The following SUGCT variants were observed in gnomAD, a reference collection of about 807,000 sequenced individuals.
SUGCT encodes succinyl-CoA:glutarate-CoA transferase.
Under a neutral mutation model 55.0 loss-of-function variants are expected in SUGCT, and 41 were observed. That is an observed-to-expected ratio of 0.74 (90% CI 0.58 to 0.97). The LOEUF (loss-of-function observed/expected upper bound fraction) is 0.97, where lower values mean the gene tolerates loss of function less well. Ranked by LOEUF, SUGCT falls within the 50% of genes least tolerant of loss-of-function variation. The probability of loss-of-function intolerance (pLI) is 0.00; values close to 1 mark genes in which losing one functional copy is unlikely to be tolerated. For missense variants in SUGCT, 568 were observed against 547.8 expected, an observed-to-expected ratio of 1.04 and a Z score of -0.37; for synonymous variants, 187 against 200.4, an observed-to-expected ratio of 0.93 and a Z score of 0.56.
the SUGCT span, among the ~76,000 whole-genome samples, chr7:41,012,147 G>C: frequency 6.6e-6 from 1 of 152,202 alleles, no homozygotes; most frequent in East Asian, 1.9e-4. Context: ...CCCGGAACCA[G>C]CCTTTTCCCA....
At chr7:40,903,349 A>G in the SUGCT span, among the ~76,000 whole-genome samples, 2 of 152,150 alleles carry the variant, frequency 1.3e-5, no homozygotes, top group African/African-American at 4.8e-5. Flanking sequence ...CAGCGCCTAG[A>G]CAGAGAATTA....
At chr7:40,329,689 G>T (rs1796207692) in intron 9 of SUGCT, among the ~76,000 whole-genome samples, 1 of 152,118 alleles carries the variant, frequency 6.6e-6, no homozygotes, top group Non-Finnish European at 1.5e-5. Flanking sequence ...TTAACAAGAT[G>T]TGTGCACAGG....
intron 9 of SUGCT, among the ~76,000 whole-genome samples, chr7:40,391,695 A>T (rs1250361388): frequency 1.3e-5 from 2 of 152,200 alleles, no homozygotes; most frequent in African/African-American, 4.8e-5. Flanking sequence ...GGGACTGTAA[A>T]CTAGTTCAAC....
At chr7:40,878,795 C>CT in the SUGCT span, among the ~76,000 whole-genome samples, 2,598 of 139,346 alleles carry the variant, frequency 0.019, 139 homozygotes, top group East Asian at 0.11. Flanking sequence ...CTTTCTCAAA[C>CT]TTTTTTTTTT....
chr7:40,219,106 C>G (rs181989346), intron 6 of SUGCT, among the ~76,000 whole-genome samples: 1 of 152,070 alleles, frequency 6.6e-6, no homozygotes, highest in African/African-American at 2.4e-5. Context: ...CCTGGAGGAA[C>G]GAACAACTCT....
At chr7:40,840,763 G>C (rs1793236274) in intron 13 of SUGCT, among the ~76,000 whole-genome samples, 1 of 121,054 alleles carries the variant, frequency 8.3e-6, no homozygotes, top group African/African-American at 3.3e-5. Flanking sequence ...TGAAACAAAA[G>C]CTGGTTCTTA....
chr7:40,775,512 A>G (rs1482449201), intron 13 of SUGCT: 2 of 152,260 alleles, frequency 1.3e-5, no homozygotes, highest in Middle Eastern at 3.2e-3. Context: ...ACACTGTTTT[A>G]GAAACATTAT....
rs78253272 is a variant in SUGCT at position 40,380,130 on chromosome 7, A to G, written c.816+63275A>G. Among the ~76,000 whole-genome samples, 1,394 of 152,284 alleles carry G rather than the reference A, an allele frequency of 9.2e-3. 10 individuals are homozygous for G. The highest frequency in any genetic ancestry group is 0.017 in the Middle Eastern group (5 of 294). On this transcript the variant is annotated intron_variant, in intron 9 of 13. Transcript: ENST00000335693. ...GTCAAATAATGACAATTCTGTGCTAATGGGGATTCCAAGGAGTTCCAACCC... is the reference window on the plus strand; with the variant it reads ...GTCAAATAATGACAATTCTGTGCTAGTGGGGATTCCAAGGAGTTCCAACCC...
chr7:40,152,054 A>G (rs1788604941), intron 1 of SUGCT, among the ~76,000 whole-genome samples: 1 of 152,204 alleles, frequency 6.6e-6, no homozygotes, highest in African/African-American at 2.4e-5. Context: ...CGCAGGGTCT[A>G]GGAAATATCC....
intron 9 of SUGCT, among the ~76,000 whole-genome samples, chr7:40,325,651 C>G (rs933562229): frequency 1.6e-4 from 25 of 152,060 alleles, no homozygotes; most frequent in African/African-American, 6.0e-4. Context: ...CTAAAAAATA[C>G]AAAAATTAGC....
At chr7:40,787,660 C>CAAAAAA (rs55764379) in intron 13 of SUGCT, among the ~76,000 whole-genome samples, 8 of 48,418 alleles carry the variant, frequency 1.7e-4, no homozygotes, top group Admixed American at 3.3e-4. Flanking sequence ...AAATTTTGAC[C>CAAAAAA]AAAAAAAAAA....
chr7:40,898,682 C>T, the SUGCT span, among the ~76,000 whole-genome samples: 2 of 151,836 alleles, frequency 1.3e-5, no homozygotes, highest in South Asian at 2.1e-4. Context: ...AGAGATCGCG[C>T]CGCGAGACTC....
intron 9 of SUGCT, among the ~76,000 whole-genome samples, chr7:40,369,641 C>T (rs547910105): frequency 6.6e-6 from 1 of 152,176 alleles, no homozygotes; most frequent in South Asian, 2.1e-4. Flanking sequence ...CCAATTATAC[C>T]ATTTAAGAGG....
chr7:40,828,674 C>CA (rs2128774971), intron 13 of SUGCT, among the ~76,000 whole-genome samples: 1 of 146,162 alleles, frequency 6.8e-6, no homozygotes, highest in South Asian at 2.2e-4. Context: ...GAAAAACATA[C>CA]AAAATTGTAC....
chr7:40,255,840 A>G (rs1790780251), intron 7 of SUGCT, among the ~76,000 whole-genome samples: 1 of 152,188 alleles, frequency 6.6e-6, no homozygotes, highest in Admixed American at 6.5e-5. Flanking sequence ...CATCTTGTAC[A>G]TAGATCTTTG....
chr7:40,880,408 T>G, the SUGCT span, among the ~76,000 whole-genome samples: 1 of 152,212 alleles, frequency 6.6e-6, no homozygotes, highest in African/African-American at 2.4e-5. Context: ...GCTCTGTTGA[T>G]GTCAGCCTGA....
At chr7:40,878,861 T>C in the SUGCT span, among the ~76,000 whole-genome samples, 2 of 151,816 alleles carry the variant, frequency 1.3e-5, no homozygotes, top group African/African-American at 2.4e-5. Flanking sequence ...TGGCGCAATA[T>C]TGGCTCACTG....
At chr7:40,258,819 A>G (rs1157483844) in intron 7 of SUGCT, among the ~76,000 whole-genome samples, 1 of 152,196 alleles carries the variant, frequency 6.6e-6, no homozygotes, top group Admixed American at 6.5e-5. Flanking sequence ...TGATCCAGCA[A>G]CCCCACCAAT....
At chr7:40,214,810 A>G (rs547711304) in intron 6 of SUGCT, among the ~76,000 whole-genome samples, 4 of 152,158 alleles carry the variant, frequency 2.6e-5, no homozygotes, top group African/African-American at 4.8e-5. Context: ...GCTACTCAGG[A>G]GGCTGAGCCA....
Sources: gnomAD v4.1 joint callset for allele counts (sites outside exome capture counted in the v4.1 genomes callset) on GRCh38, gnomAD v4.1.1 for gene constraint, MANE v1.5 for transcripts, NCBI Gene and HGNC (gene_info 2026-07-23, HGNC 2026-07-21) for gene names.